Variants in TECR observed in about 807,000 individuals in gnomAD.
TECR encodes very-long-chain enoyl-CoA reductase.
TECR carries 19 observed loss-of-function variants against 50.6 expected under a neutral mutation model. That is an observed-to-expected ratio of 0.38 (90% CI 0.26 to 0.55). TECR has a LOEUF of 0.55. TECR is among the 20% of genes least tolerant of loss of function. The pLI, the probability that TECR is intolerant of heterozygous loss-of-function variation, is 0.79. For missense variants in TECR, 313 were observed against 408.3 expected, an observed-to-expected ratio of 0.77 and a Z score of 2.01; for synonymous variants, 168 against 163.5, an observed-to-expected ratio of 1.03 and a Z score of -0.21.
At chr19:14,549,727 G>A (rs976250998) in intron 1 of TECR, among the ~76,000 whole-genome samples, 21 of 152,056 alleles carry the variant, frequency 1.4e-4, no homozygotes, top group Admixed American at 9.2e-4. Flanking sequence ...GGCAGATCAC[G>A]AGGTCAGGAG....
In TECR at chr19:14,563,291, A is replaced by T. The variant is rs187924859; in HGVS notation, c.118+34A>T. On this transcript the variant is annotated intron_variant, in intron 3 of 12. Coordinates refer to ENST00000215567, the MANE Select transcript of TECR (RefSeq NM_138501.6). This position sits in a 1 kb window ranked among gnomAD's most constrained non-coding sequence, Gnocchi z 5.3. ...TAGTCCCGGCCACACTGCCCCTGCA[A>T]CCCCTTTGACCAGGGACCTTAGGGT... The T allele has an allele frequency of 6.3e-7, 1 of 1,577,350 alleles. No homozygotes were observed. The highest frequency in any genetic ancestry group is 8.7e-7 in the Non-Finnish European group (1 of 1,146,828).
At chr19:14,528,639 G>T (rs554152728), upstream of TECR, among the ~76,000 whole-genome samples, 5 of 152,142 alleles carry the variant, frequency 3.3e-5, no homozygotes, top group East Asian at 9.7e-4. Flanking sequence ...TCCATAGGGC[G>T]GAGCAAAGTG....
At chr19:14,553,986 C>T (rs2073630784) in intron 1 of TECR, among the ~76,000 whole-genome samples, 1 of 152,192 alleles carries the variant, frequency 6.6e-6, no homozygotes, top group African/African-American at 2.4e-5. Context: ...CCAGGAAGTG[C>T]AGTCCCCTGC....
intron 1 of TECR, among the ~76,000 whole-genome samples, chr19:14,546,996 A>G (rs556721216): frequency 6.6e-6 from 1 of 152,318 alleles, no homozygotes; most frequent in African/African-American, 2.4e-5. Flanking sequence ...CACCCAGCCT[A>G]AAAATTAAAT....
At chr19:14,561,740 A>C (rs1346974992) in intron 1 of TECR, among the ~76,000 whole-genome samples, 1 of 152,168 alleles carries the variant, frequency 6.6e-6, no homozygotes, top group Admixed American at 6.5e-5. Context: ...ACTTCGAGAG[A>C]GGCTCTCTGC....
Position 14,563,356 on chromosome 19 carries a change from C to T in TECR, c.118+99C>T. On this transcript the variant is annotated intron_variant, in intron 3 of 12. Coordinates refer to ENST00000215567, the MANE Select transcript of TECR (RefSeq NM_138501.6). The surrounding 1 kb of genome is among the most constrained non-coding windows in gnomAD (Gnocchi z 5.3). ...CCTGCACCCCTCTCCCAGGGGCCTG[C>T]AGAGATGCCCCAGTGTGGCCCAGGC... 8.4e-7 allele frequency: 1 copy of T among 1,194,090 alleles called. No individual in the cohort carries two copies. Among genetic ancestry groups the T allele is most frequent in the Non-Finnish European group, 1.2e-6 (1 of 810,462 alleles). The allele number at this position is 1,194,090 out of a possible 1,614,324, so 74.0% of individuals were successfully genotyped here.
Position 14,563,538 on chromosome 19 carries a change from G to A in TECR, c.119-120G>A, listed in dbSNP as rs1320722548. ...GAGGGTTTGCCCCCAGGTGGGAGGA[G>A]CTGTGGAGTCCTGGGGTCCTTGCAC... On this transcript the variant is annotated intron_variant, in intron 3 of 12. Coordinates refer to ENST00000215567, the MANE Select transcript of TECR (RefSeq NM_138501.6). This position sits in a 1 kb window ranked among gnomAD's most constrained non-coding sequence, Gnocchi z 5.3. 8 of 1,327,700 alleles carry A rather than the reference G, an allele frequency of 6.0e-6. No individual in the cohort carries two copies. The highest frequency in any genetic ancestry group is 7.5e-6 in the Non-Finnish European group (7 of 938,410). 82.2% of individuals were successfully genotyped at this position (1,327,700 alleles called of 1,614,324 possible). A position where few individuals can be genotyped will look rare whatever the true frequency, so the allele number is the denominator to read the frequency against.
At chr19:14,546,166 C>T (rs942107101) in intron 1 of TECR, among the ~76,000 whole-genome samples, 2 of 152,062 alleles carry the variant, frequency 1.3e-5, no homozygotes, top group Admixed American at 6.6e-5. Context: ...ATCATGGGGG[C>T]GGCGCTGGGG....
At chr19:14,548,130 T>C (rs2073367926) in intron 1 of TECR, among the ~76,000 whole-genome samples, 1 of 151,442 alleles carries the variant, frequency 6.6e-6, no homozygotes, top group Non-Finnish European at 1.5e-5. Context: ...GCCCAGCTAA[T>C]TTTTTGTATT....
At chr19:14,564,393 C>A in intron 7 of TECR, 106 bp downstream of exon 7, 2 of 942,232 alleles carry the variant, frequency 2.1e-6, no homozygotes, top group South Asian at 1.4e-5. Context: ...CCACTACGCC[C>A]CAGCAGAGCC....
chr19:14,529,580 G>A (rs1323599484), upstream of TECR: 1 of 1,516,682 alleles, frequency 6.6e-7, no homozygotes, highest in Admixed American at 1.7e-5. Flanking sequence ...GGGGCGGGGC[G>A]GACGCAGAGC....
chr19:14,543,178 G>T (rs2073159607), intron 1 of TECR, among the ~76,000 whole-genome samples: 1 of 149,956 alleles, frequency 6.7e-6, no homozygotes, highest in Non-Finnish European at 1.5e-5. Flanking sequence ...TCCTTGTGGG[G>T]AGAAGCTGTT....
chr19:14,548,312 C>T (rs913597441), intron 1 of TECR, among the ~76,000 whole-genome samples: 18 of 152,086 alleles, frequency 1.2e-4, no homozygotes, highest in Non-Finnish European at 2.1e-4. Context: ...CTGATTTTTC[C>T]TCTTGAACCT....
chr19:14,548,586 T>G (rs1048256359), intron 1 of TECR, among the ~76,000 whole-genome samples: 1 of 152,148 alleles, frequency 6.6e-6, no homozygotes, highest in Non-Finnish European at 1.5e-5. Context: ...CGTCTCTTTT[T>G]TTTCTTTTAG....
intron 1 of TECR, among the ~76,000 whole-genome samples, chr19:14,538,684 C>T (rs1487577146): frequency 6.6e-6 from 1 of 151,770 alleles, no homozygotes; most frequent in Non-Finnish European, 1.5e-5. Context: ...AGGCACGTGC[C>T]ACCATGCCTG....
Position 14,534,468 on chromosome 19 carries a change from C to T in TECR, c.15+4757C>T, listed in dbSNP as rs1362774950. 2.7e-5 allele frequency among the ~76,000 whole-genome samples: 3 copies of T among 110,764 alleles called. No homozygotes were observed. In the East Asian group the frequency reaches 8.5e-4, roughly 31 times the overall value. The allele number at this position is 110,764 out of a possible 152,430, so 72.7% of individuals were successfully genotyped here. On this transcript the variant is annotated intron_variant, in intron 1 of 12. Transcript: ENST00000215567. ...TTTTTTTTTTTGTGACAGAGTCTCG[C>T]TCTGTCACCCAGGCTGGAGTGCAGT...
At chr19:14,540,456 G>C (rs910251453) in intron 1 of TECR, among the ~76,000 whole-genome samples, 1 of 151,010 alleles carries the variant, frequency 6.6e-6, no homozygotes, top group African/African-American at 2.4e-5. Flanking sequence ...GCAGTGGTGC[G>C]ATCTTGGCTC....
chr19:14,551,223 C>A (rs915399494), intron 1 of TECR, among the ~76,000 whole-genome samples: 1 of 151,874 alleles, frequency 6.6e-6, no homozygotes, highest in African/African-American at 2.4e-5. Flanking sequence ...CAGGCACCCA[C>A]CACCACACCC....
At chr19:14,564,545 C>A in intron 7 of TECR, 1 of 571,084 alleles carries the variant, frequency 1.8e-6, no homozygotes, top group Non-Finnish European at 3.1e-6. Flanking sequence ...CGCCTATCCC[C>A]CCAGCCCCGC....
Sources: gnomAD v4.1 joint callset for allele counts (sites outside exome capture counted in the v4.1 genomes callset) on GRCh38, gnomAD v4.1.1 for gene constraint, Gnocchi (gnomAD v3.1) non-coding constraint, MANE v1.5 for transcripts, NCBI Gene and HGNC (gene_info 2026-07-23, HGNC 2026-07-21) for gene names.